CTSD: variants seen among roughly 807,000 people sequenced by gnomAD.
CTSD encodes ceroid-lipofuscinosis, neuronal 10.
Under a neutral mutation model 43.6 loss-of-function variants are expected in CTSD, and 28 were observed. That is an observed-to-expected ratio of 0.64 (90% CI 0.48 to 0.88). The LOEUF is 0.88. Among genes scored for constraint, CTSD ranks in the 40% least tolerant of loss-of-function variants. The probability of loss-of-function intolerance (pLI) is 0.00; values close to 1 mark genes in which losing one functional copy is unlikely to be tolerated. For synonymous variants in CTSD, 270 were observed against 249.8 expected (o/e 1.08, Z -0.76); for missense variants, 485 against 555.2 (o/e 0.87, Z 1.27).
intron 4 of CTSD, 147 bp from the exon 5 acceptor site, chr11:1,757,703 T>A (rs1025737575): frequency 1.4e-6 from 1 of 723,366 alleles, no homozygotes; most frequent in Admixed American, 2.3e-5. Context: ...CTGGAAACCC[T>A]GAGCTGAACA....
chr11:1,754,400 A>ATGGAGGGGCATAGAGGGATGGAGGGGC, intron 6 of CTSD: 1 of 416,054 alleles, frequency 2.4e-6, no homozygotes, highest in East Asian at 4.4e-5. Flanking sequence ...GATGGAGGGG[A>ATGGAGGGGCATAGAGGGATGGAGGGGC]TGGAGGGGAT....
chr11:1,756,806 C>T lies in CTSD; in HGVS notation c.704+518G>A, dbSNP rs1018375829. Among the ~76,000 whole-genome samples the T allele has an allele frequency of 2.6e-5, 4 of 152,326 alleles. No individual in the cohort carries two copies. The South Asian group carries it at 8.3e-4, about 32-fold the overall frequency. ...AGGAAGGGCCCCCTATGTTCCTCCT[C>T]GAGGGCAGCCGGCACCTGCTGGGGA... On this transcript the variant is annotated intron_variant, in intron 5 of 8. Coordinates refer to ENST00000236671, the MANE Select transcript of CTSD (RefSeq NM_001909.5).
rs961913291 is a variant in CTSD, at chr11:1,758,255, G to A, written c.472-699C>T. ...AGCTGGAGGAAGGGGCCCTCTTCCCGGGTCCCTGGGCCTGCAGGGGGGCTC... is the reference window on the plus strand; with the variant it reads ...AGCTGGAGGAAGGGGCCCTCTTCCCAGGTCCCTGGGCCTGCAGGGGGGCTC... On this transcript the variant is annotated intron_variant, in intron 4 of 8. Transcript: ENST00000236671. Among the ~76,000 whole-genome samples the A allele has an allele frequency of 2.0e-5, 3 of 152,132 alleles. No homozygotes were observed. In the South Asian group the frequency reaches 6.2e-4, roughly 31 times the overall value.
chr11:1,761,230 G>T, intron 2 of CTSD, 79 bp downstream of exon 2: 2 of 1,520,966 alleles, frequency 1.3e-6, no homozygotes, highest in South Asian at 2.2e-5. Context: ...AGAACAGGAG[G>T]TGGGAATGTT....
At chr11:1,759,705 G>GGC (rs1261584469) in intron 2 of CTSD, 66 bp from the exon 3 acceptor site, 1 of 1,541,646 alleles carries the variant, frequency 6.5e-7, no homozygotes, top group Admixed American at 1.8e-5. Flanking sequence ...GGCCTCAGAA[G>GGC]GCCCGGCTGT....
At position 1,757,351 on chromosome 11, in the gene CTSD, T is replaced by C; in HGVS notation, c.677A>G (p.Gln226Arg). The stretch of plus-strand genomic sequence containing the variant: ...GCTCAGGTAGAAGGAGAAGATGTTC[T>C]GGTCCACCAGCTTCTGCTGCATCAG... ...DNLMQQKLVDQNIFSFYLSRD... is the reference protein window; with the variant it reads ...DNLMQQKLVDRNIFSFYLSRD... Residue 226 changes from glutamine (Q) to arginine (R), a missense_variant, in exon 5 of 9, where the codon CAG (glutamine) becomes CGG (arginine). Physicochemically the swap from Gln to Arg is conservative, Grantham distance 43. Coordinates refer to ENST00000236671, the MANE Select transcript of CTSD (RefSeq NM_001909.5). 3 of 1,614,038 alleles carry C rather than the reference T, an allele frequency of 1.9e-6. No individual in the cohort carries two copies. The highest frequency in any genetic ancestry group is 2.5e-6 in the Non-Finnish European group (3 of 1,179,996).
In CTSD at chr11:1,761,484, C is replaced by T. The variant is rs377703110; in HGVS notation, c.69-16G>A. 71 of 1,613,636 alleles carry T rather than the reference C, an allele frequency of 4.4e-5. No individual in the cohort carries two copies. Among genetic ancestry groups the T allele is most frequent in the Admixed American group, 6.7e-5 (4 of 60,014 alleles). ...CAGCGGGATCCTGTCAACCACGGGT[C>T]GGGGCATATCAGGGAGGCCCTCCCG... On this transcript the variant is annotated splice_polypyrimidine_tract_variant and intron_variant, in intron 1 of 8. Transcript: ENST00000236671.
At chr11:1,753,748 G>C in intron 8 of CTSD, 55 bp downstream of exon 8, 2 of 1,608,970 alleles carry the variant, frequency 1.2e-6, no homozygotes, top group Non-Finnish European at 8.5e-7. Flanking sequence ...CCTGGAGCGT[G>C]CGCCCCCTCA....
rs538647820 is a variant in CTSD, at chr11:1,754,212, A to C, written c.828-74T>G. 2.6e-6 allele frequency: 4 copies of C among 1,542,296 alleles called. No individual in the cohort carries two copies. In the African/African-American group the frequency reaches 5.4e-5, roughly 21 times the overall value. On this transcript the variant is annotated intron_variant, in intron 6 of 8. Transcript: ENST00000236671. ...TGGGGGCCCAGTGCCCCTCCCTGGG[A>C]GCCCCTCCCCTGGCTGGGCTGCACT... is the stretch of plus-strand genomic sequence containing the variant.
chr11:1,758,937 C>A (rs372553554), intron 4 of CTSD, 32 bp downstream of exon 4: 1 of 1,477,076 alleles, frequency 6.8e-7, no homozygotes, highest in Admixed American at 1.7e-5. Flanking sequence ...CTGGCACCCT[C>A]GAGTCCTGGG....
chr11:1,760,011 G>C (rs1306702863), intron 2 of CTSD, among the ~76,000 whole-genome samples: 1 of 152,220 alleles, frequency 6.6e-6, no homozygotes, highest in Non-Finnish European at 1.5e-5. Flanking sequence ...GCCCGGCCTG[G>C]AAGACTCCCC....
chr11:1,758,421 G>C (rs949059382), intron 4 of CTSD, among the ~76,000 whole-genome samples: 1 of 152,144 alleles, frequency 6.6e-6, no homozygotes, highest in African/African-American at 2.4e-5. Context: ...ACAAGGGCCA[G>C]CTCACCCTCT....
rs138733377 is a variant in CTSD at position 1,753,527 on chromosome 11, G to A, written c.1215C>T (p.Gly405=). ...ACTAGAGGCGGGCAGCCTCGGCGAA[G>A]CCCACCCTGTTGTTGTCACGGTCAA... is the stretch of plus-strand genomic sequence containing the variant. ...TVFDRDNNRV[G]FAEAARL Residue 405 remains glycine (G), a synonymous_variant, in exon 9 of 9, where the codon GGC becomes GGT. Transcript: ENST00000236671. 1 of 1,612,966 alleles carries A rather than the reference G, an allele frequency of 6.2e-7. No individual in the cohort carries two copies. The highest frequency in any genetic ancestry group is 1.7e-5 in the Admixed American group (1 of 60,028).
chr11:1,758,581 A>G (rs111950298), intron 4 of CTSD, among the ~76,000 whole-genome samples: 1 of 151,810 alleles, frequency 6.6e-6, no homozygotes, highest in African/African-American at 2.4e-5. Flanking sequence ...TTCCTGGTAC[A>G]TCCTCCCAAC....
chr11:1,760,045 G>C (rs1342064479), intron 2 of CTSD, among the ~76,000 whole-genome samples: 1 of 152,228 alleles, frequency 6.6e-6, no homozygotes, highest in Non-Finnish European at 1.5e-5. Context: ...TCCAAGGTCT[G>C]AGAAAGGAAG....
chr11:1,756,163 G>A (rs1411617535), intron 5 of CTSD, among the ~76,000 whole-genome samples: 1 of 151,708 alleles, frequency 6.6e-6, no homozygotes, highest in Non-Finnish European at 1.5e-5. Flanking sequence ...CCCCACATGG[G>A]CATTCATGCC....
Position 1,753,674 on chromosome 11 carries a change from G to A in CTSD, c.1072-4C>T, listed in dbSNP as rs1446173050. On this transcript the variant is annotated splice_region_variant and splice_polypyrimidine_tract_variant and intron_variant, in intron 8 of 8. Coordinates refer to ENST00000236671, the MANE Select transcript of CTSD (RefSeq NM_001909.5). ...GGGTCTTCCCGGCCTGCGACACCTG[G>A]GACGGCCCTGGTGGTCAGTACCCAG... is the stretch of plus-strand genomic sequence containing the variant. 1.2e-6 allele frequency: 2 copies of A among 1,612,650 alleles called. No homozygotes were observed. The highest frequency in any genetic ancestry group is 8.5e-7 in the Non-Finnish European group (1 of 1,179,790).
At chr11:1,760,431 G>C (rs1845860751) in intron 2 of CTSD, 1 of 152,318 alleles carries the variant, frequency 6.6e-6, no homozygotes, top group African/African-American at 2.4e-5. Context: ...TCAGCCACCA[G>C]ATTCCTGGCA....
rs1292051127 is a variant in CTSD at position 1,754,404 on chromosome 11, AG to A, written c.828-267del. The A allele has an allele frequency of 1.0e-4, 43 of 411,304 alleles. 1 individual carries two copies. The highest frequency in any genetic ancestry group is 7.8e-4 in the South Asian group (34 of 43,674). The allele number at this position is 411,304 out of a possible 1,614,324, so 25.5% of individuals were successfully genotyped here. A position where few individuals can be genotyped will look rare whatever the true frequency, so the allele number is the denominator to read the frequency against. ...GGGCATAGAGGGATGGAGGGGATGGAGGGGATGAAGGGATGGAGGGGCATGG... is the reference window on the plus strand; with the variant it reads ...GGGCATAGAGGGATGGAGGGGATGGAGGGATGAAGGGATGGAGGGGCATGG... On this transcript the variant is annotated intron_variant, in intron 6 of 8. Transcript: ENST00000236671.
Sources: allele counts gnomAD v4.1 joint callset (sites outside exome capture counted in the v4.1 genomes callset), GRCh38; gene constraint gnomAD v4.1.1; transcripts MANE v1.5; gene names NCBI Gene and HGNC (gene_info 2026-07-23, HGNC 2026-07-21).